Variants in PRRC2C observed in about 807,000 individuals in gnomAD.
PRRC2C encodes protein PRRC2C.
Under a neutral mutation model 317.2 loss-of-function variants are expected in PRRC2C, and 72 were observed. That is an observed-to-expected ratio of 0.23 (90% confidence interval 0.19 to 0.28). The LOEUF is 0.28. PRRC2C is among the 10% of genes least tolerant of loss of function. The probability of loss-of-function intolerance (pLI) is 1.00; values close to 1 mark genes in which losing one functional copy is unlikely to be tolerated. For missense variants in PRRC2C, 3,074 were observed against 3,459.7 expected (o/e 0.89, Z 2.80); for synonymous variants, 1,296 against 1,205.9 (o/e 1.07, Z -1.55).
chr1:171,535,522 A>T lies in PRRC2C; in HGVS notation c.1968A>T (p.Gln656His). The change falls in exon 13 of 35, where the codon CAA (glutamine) becomes CAT (histidine). Residue 656 changes from glutamine to histidine, a missense_variant. Around this residue, in one of 11 missense-constraint regions of PRRC2C, gnomAD observed 1,320 missense variants for 1,395.7 expected, o/e 0.95. Coordinates refer to ENST00000647382, the MANE Select transcript of PRRC2C (RefSeq NM_001387844.1). ...VHETEPESGS[Q>H]PRPAVLSGYF... ...AAACAGAACCAGAATCAGGGTCTCA[A>T]CCTCGGCCGGCTGTATTATCTGGCT... 5 of 1,613,980 alleles carry T rather than the reference A, an allele frequency of 3.1e-6. No homozygotes were observed. The highest frequency in any genetic ancestry group is 1.3e-5 in the African/African-American group (1 of 75,044).
chr1:171,509,367 G>A (rs1166470550), intron 1 of PRRC2C, among the ~76,000 whole-genome samples: 1 of 152,132 alleles, frequency 6.6e-6, no homozygotes, highest in Non-Finnish European at 1.5e-5. Flanking sequence ...TGAGCTGAAG[G>A]TAATCAGTTA....
Position 171,541,771 on chromosome 1 carries a change from G to A in PRRC2C, c.4305G>A (p.Lys1435=). Reference sequence around the variant, plus strand: ...CTACTCGACCACCAAGGCAAGACAAGCCACCTCGATTTAGACGGCTAAGAG... The same window carrying A: ...CTACTCGACCACCAAGGCAAGACAAACCACCTCGATTTAGACGGCTAAGAG... ...QRPTRPPRQD[K]PPRFRRLRER... Residue 1435 remains lysine, a synonymous_variant, in exon 16 of 35, where the codon AAG becomes AAA. Coordinates refer to ENST00000647382, the MANE Select transcript of PRRC2C (RefSeq NM_001387844.1). This position sits in a 1 kb window ranked among gnomAD's most constrained non-coding sequence, Gnocchi z 4.1. 1 of 1,613,970 alleles carries A rather than the reference G, an allele frequency of 6.2e-7. No individual in the cohort carries two copies. The highest frequency in any genetic ancestry group is 1.3e-5 in the African/African-American group (1 of 75,036).
intron 1 of PRRC2C, among the ~76,000 whole-genome samples, chr1:171,494,632 G>A (rs1027411428): frequency 6.6e-6 from 1 of 151,882 alleles, no homozygotes; most frequent in African/African-American, 2.4e-5. Context: ...TGATTAGTAG[G>A]TTACTACAGT....
Position 171,593,170 on chromosome 1 carries a change from A to C in PRRC2C, c.*1323A>C, listed in dbSNP as rs1267664660. The C allele has an allele frequency of 1.3e-5, 2 of 150,952 alleles. No homozygotes were observed. The highest frequency in any genetic ancestry group is 3.0e-5 in the Non-Finnish European group (2 of 67,782). The allele number at this position is 150,952 out of a possible 1,614,324, so 9.4% of individuals were successfully genotyped here. On this transcript the variant is annotated 3_prime_UTR_variant, in exon 35 of 35. Transcript: ENST00000647382. ...TAAATGGAGTGTGCTGGATGTCTCTATAATTTTATTCAGATGACTGCAGAA... is the reference window on the plus strand; with the variant it reads ...TAAATGGAGTGTGCTGGATGTCTCTCTAATTTTATTCAGATGACTGCAGAA...
chr1:171,572,082 G>T (rs558574218), intron 24 of PRRC2C, among the ~76,000 whole-genome samples: 1 of 151,800 alleles, frequency 6.6e-6, no homozygotes, highest in East Asian at 1.9e-4. Flanking sequence ...TTTTAAATCA[G>T]TTCGTCTTTG....
At chr1:171,576,072 A>C (rs1036951094) in intron 25 of PRRC2C, among the ~76,000 whole-genome samples, 4 of 152,256 alleles carry the variant, frequency 2.6e-5, no homozygotes, top group African/African-American at 4.8e-5. Flanking sequence ...TTAACATTTT[A>C]AATCAAACTG....
chr1:171,566,527 T>C, intron 21 of PRRC2C, 65 bp from the exon 22 acceptor site: 1 of 1,485,884 alleles, frequency 6.7e-7, no homozygotes, highest in South Asian at 1.4e-5. Flanking sequence ...TCTTTGATCA[T>C]GGTGCAATGA....
intron 17 of PRRC2C, among the ~76,000 whole-genome samples, chr1:171,549,446 T>G (rs1679771096): frequency 6.6e-6 from 1 of 152,210 alleles, no homozygotes; most frequent in Non-Finnish European, 1.5e-5. Flanking sequence ...CACTATACAG[T>G]CTGAGGCTAA....
At position 171,535,580 on chromosome 1, in the gene PRRC2C, C is replaced by T; in HGVS notation, c.2026C>T (p.Arg676Ter). ...FKQFQKSLPP[R>*]FQRQQEQMKQ... ...ACAGTTTCAGAAGTCTTTACCTCCA[C>T]GATTCCAGCGGCAGCAGGTAATGAT... Residue 676 changes from arginine to a stop codon, truncating the protein, a stop_gained, in exon 13 of 35, where the codon CGA (arginine) becomes TGA (stop). Coordinates refer to ENST00000647382, the MANE Select transcript of PRRC2C (RefSeq NM_001387844.1). LOFTEE classifies it high-confidence loss of function. 6.2e-7 allele frequency: 1 copy of T among 1,613,656 alleles called. No homozygotes were observed. Among genetic ancestry groups the T allele is most frequent in the Non-Finnish European group, 8.5e-7 (1 of 1,179,792 alleles).
chr1:171,533,087 T>C, intron 12 of PRRC2C, 126 bp downstream of exon 12: 1 of 994,138 alleles, frequency 1.0e-6, no homozygotes, highest in Non-Finnish European at 1.4e-6. Flanking sequence ...TGATAGCATT[T>C]GCAGTACAAA....
At chr1:171,579,318 C>T in intron 26 of PRRC2C, 36 bp from the exon 27 acceptor site, 1 of 1,573,608 alleles carries the variant, frequency 6.4e-7, no homozygotes, top group South Asian at 1.2e-5. Flanking sequence ...GAAATTAGGA[C>T]ACTTACTACT....
intron 5 of PRRC2C, among the ~76,000 whole-genome samples, chr1:171,516,489 A>G (rs1423185726): frequency 6.6e-6 from 1 of 152,172 alleles, no homozygotes; most frequent in Admixed American, 6.5e-5. Flanking sequence ...CTCTTGTCAG[A>G]TGTAAATAAA....
At chr1:171,508,870 T>G (rs1670752302) in intron 1 of PRRC2C, among the ~76,000 whole-genome samples, 2 of 152,112 alleles carry the variant, frequency 1.3e-5, no homozygotes, top group Non-Finnish European at 2.9e-5. Context: ...ACCATCAATT[T>G]AATTTTTTTT....
At chr1:171,564,379 C>T (rs1305659745) in intron 20 of PRRC2C, among the ~76,000 whole-genome samples, 1 of 152,274 alleles carries the variant, frequency 6.6e-6, no homozygotes, top group South Asian at 2.1e-4. Context: ...TTTTTCTACT[C>T]ATTTAAATAT....
At chr1:171,579,501 T>A (rs1265151385) in intron 27 of PRRC2C, 35 bp downstream of exon 27, 1 of 1,605,112 alleles carries the variant, frequency 6.2e-7, no homozygotes, top group Non-Finnish European at 8.5e-7. Context: ...CTGTATTTGT[T>A]CCTTCGCATT....
rs1681608111 is a variant in PRRC2C, at chr1:171,557,141, T to C, written c.5128-99T>C. 2.1e-6 allele frequency: 3 copies of C among 1,450,204 alleles called. No individual in the cohort carries two copies. In the Admixed American group the frequency reaches 8.5e-5, roughly 41 times the overall value. The allele number at this position is 1,450,204 out of a possible 1,614,324, so 89.8% of individuals were successfully genotyped here. A position where few individuals can be genotyped will look rare whatever the true frequency, so the allele number is the denominator to read the frequency against. The stretch of plus-strand genomic sequence containing the variant: ...TGGTTTGAGTACCTATTTTGAAAAG[T>C]AAAGGAGCCAAGTTAGTGGGAGTTG... On this transcript the variant is annotated intron_variant, in intron 18 of 34. Coordinates refer to ENST00000647382, the MANE Select transcript of PRRC2C (RefSeq NM_001387844.1).
intron 19 of PRRC2C, 131 bp from the exon 20 acceptor site, chr1:171,560,887 T>G: frequency 1.3e-6 from 1 of 775,714 alleles, no homozygotes; most frequent in South Asian, 1.4e-5. Flanking sequence ...GTAAGTCTGA[T>G]TTGAAAAGTG....
chr1:171,568,255 A>G lies in PRRC2C; in HGVS notation c.6567A>G (p.Val2189=). 1 of 1,607,740 alleles carries G rather than the reference A, an allele frequency of 6.2e-7. No individual in the cohort carries two copies. The highest frequency in any genetic ancestry group is 8.5e-7 in the Non-Finnish European group (1 of 1,176,648). Residue 2189 remains valine (V), a synonymous_variant, in exon 23 of 35, where the codon GTA becomes GTG. Coordinates refer to ENST00000647382, the MANE Select transcript of PRRC2C (RefSeq NM_001387844.1). ...CTATTACTACTTCACAGGAGTCTGT[A>G]ACAGACTATACTACACCCTCTTCTT... ...AEYGTNAKES[V]TDYTTPSSSL...
chr1:171,574,882 G>T, intron 24 of PRRC2C, 45 bp from the exon 25 acceptor site: 1 of 1,545,762 alleles, frequency 6.5e-7, no homozygotes, highest in East Asian at 2.3e-5. Flanking sequence ...CGTATATTCT[G>T]TATTAACATC....
Sources: gnomAD v4.1 joint callset for allele counts (sites outside exome capture counted in the v4.1 genomes callset) on GRCh38, gnomAD v4.1.1 for gene constraint, gnomAD v4.1.1 regional missense constraint, Gnocchi (gnomAD v3.1) non-coding constraint, MANE v1.5 for transcripts, NCBI Gene and HGNC (gene_info 2026-07-23, HGNC 2026-07-21) for gene names.